The following CEP112 variants were observed in gnomAD, a reference collection of about 807,000 sequenced individuals.
The protein encoded by CEP112 is centrosomal protein of 112 kDa.
CEP112 carries 127 observed loss-of-function variants against 153.0 expected under a neutral mutation model. That is an observed-to-expected ratio of 0.83 (90% CI 0.72 to 0.96). The LOEUF is 0.96. Ranked by LOEUF, CEP112 falls within the 40% of genes least tolerant of loss-of-function variation. The pLI is 0.00. For synonymous variants in CEP112, 358 were observed against 374.4 expected (o/e 0.96, Z 0.51); for missense variants, 1,089 against 1,101.2 (o/e 0.99, Z 0.16).
chr17:65,977,970 G>C (rs1375347042), intron 17 of CEP112, among the ~76,000 whole-genome samples: 3 of 152,182 alleles, frequency 2.0e-5, no homozygotes, highest in African/African-American at 4.8e-5. Flanking sequence ...AGCTACTCAG[G>C]GGGCTGAGGC....
intron 19 of CEP112, among the ~76,000 whole-genome samples, chr17:65,923,315 T>C (rs913338128): frequency 2.0e-5 from 3 of 152,230 alleles, no homozygotes; most frequent in Non-Finnish European, 1.5e-5. Flanking sequence ...ATTTTTTACA[T>C]TGCATATAAA....
chr17:66,149,854 G>A (rs1464760006), intron 4 of CEP112, among the ~76,000 whole-genome samples: 1 of 136,420 alleles, frequency 7.3e-6, no homozygotes, highest in Admixed American at 7.3e-5. Flanking sequence ...AGTTCCTTAA[G>A]GTGTAAATTT....
chr17:65,663,978 G>A (rs888696725), intron 24 of CEP112, among the ~76,000 whole-genome samples: 6 of 152,112 alleles, frequency 3.9e-5, no homozygotes, highest in Non-Finnish European at 5.9e-5. Flanking sequence ...CCCGGGAGGC[G>A]GAGCTTGCAG....
intron 4 of CEP112, among the ~76,000 whole-genome samples, chr17:66,144,485 G>C (rs2070838493): frequency 6.6e-6 from 1 of 152,162 alleles, no homozygotes; most frequent in Non-Finnish European, 1.5e-5. Flanking sequence ...CTGAGGTCAA[G>C]AGTTCAGGAC....
intron 17 of CEP112, among the ~76,000 whole-genome samples, chr17:65,984,855 C>T (rs1435207437): frequency 6.6e-6 from 1 of 151,924 alleles, no homozygotes; most frequent in Non-Finnish European, 1.5e-5. Context: ...TAGAGTAAGA[C>T]AAGAGTAGGA....
chr17:65,935,077 G>C (rs1460560083), intron 18 of CEP112, among the ~76,000 whole-genome samples: 2 of 152,178 alleles, frequency 1.3e-5, no homozygotes, highest in Non-Finnish European at 2.9e-5. Context: ...TTCATACGTG[G>C]GGATTATGGG....
chr17:66,052,098 T>A (rs1200542321), intron 12 of CEP112, among the ~76,000 whole-genome samples: 1 of 152,190 alleles, frequency 6.6e-6, no homozygotes, highest in Non-Finnish European at 1.5e-5. Flanking sequence ...AAGAACAGAA[T>A]GAATGTACAG....
At chr17:66,190,534 AG>A (rs1029118443) in intron 1 of CEP112, among the ~76,000 whole-genome samples, 18 of 151,876 alleles carry the variant, frequency 1.2e-4, no homozygotes, top group African/African-American at 4.1e-4. Context: ...AAGGTAACCC[AG>A]GTGACGGACG....
At chr17:65,798,322 T>C (rs1029162559) in intron 21 of CEP112, among the ~76,000 whole-genome samples, 3 of 152,204 alleles carry the variant, frequency 2.0e-5, no homozygotes, top group African/African-American at 4.8e-5. Context: ...GAGTGAAATA[T>C]TCTTTATCTG....
intron 11 of CEP112, among the ~76,000 whole-genome samples, chr17:66,057,772 C>G (rs1377856966): frequency 1.3e-5 from 2 of 151,538 alleles, no homozygotes; most frequent in Non-Finnish European, 2.9e-5. Flanking sequence ...CACACACACA[C>G]ACACACACAC....
At chr17:66,003,250 C>A (rs1355875783) in intron 17 of CEP112, among the ~76,000 whole-genome samples, 40 of 152,114 alleles carry the variant, frequency 2.6e-4, no homozygotes, top group Admixed American at 2.6e-3. Context: ...TAACTCCAAG[C>A]AAAATTCAGT....
intron 21 of CEP112, among the ~76,000 whole-genome samples, chr17:65,777,775 A>AT (rs1486488511): frequency 1.3e-5 from 2 of 151,898 alleles, no homozygotes; most frequent in African/African-American, 2.4e-5. Context: ...TATATCCTAT[A>AT]TTTTTTTCTG....
At chr17:65,938,957 G>C (rs2061431421) in intron 18 of CEP112, among the ~76,000 whole-genome samples, 1 of 151,956 alleles carries the variant, frequency 6.6e-6, no homozygotes, top group African/African-American at 2.4e-5. Context: ...GATTACAGGT[G>C]CTCGCCACCA....
At chr17:65,937,581 C>T (rs1286923479) in intron 18 of CEP112, among the ~76,000 whole-genome samples, 2 of 106,730 alleles carry the variant, frequency 1.9e-5, no homozygotes, top group East Asian at 6.8e-4. Flanking sequence ...GGGGTCAGCC[C>T]CCCACCCGGC....
At chr17:65,855,545 T>C (rs897347526) in intron 20 of CEP112, among the ~76,000 whole-genome samples, 1 of 152,128 alleles carries the variant, frequency 6.6e-6, no homozygotes, top group African/African-American at 2.4e-5. Context: ...GGCTCTGTCT[T>C]GGGGTTCATA....
intron 4 of CEP112, among the ~76,000 whole-genome samples, chr17:66,137,692 A>G (rs2070498535): frequency 6.6e-6 from 1 of 152,210 alleles, no homozygotes; most frequent in Admixed American, 6.5e-5. Context: ...AAAAACTGCC[A>G]GTCAAGGATA....
intron 5 of CEP112, 83 bp from the exon 6 acceptor site, chr17:66,129,906 G>A (rs1447261133): frequency 3.7e-6 from 3 of 808,514 alleles, no homozygotes; most frequent in Non-Finnish European, 5.9e-6. Flanking sequence ...GATAAAAGAG[G>A]AAAAGATAGA....
At chr17:65,727,008 CA>C (rs2050219626) in intron 23 of CEP112, among the ~76,000 whole-genome samples, 2 of 152,126 alleles carry the variant, frequency 1.3e-5, no homozygotes, top group South Asian at 2.1e-4. Flanking sequence ...AGATTCCTGT[CA>C]GGGGGAACTG....
In CEP112 at chr17:65,842,474, CTG is replaced by C. The variant is rs768775678; in HGVS notation, c.2394+9328_2394+9329del. Among the ~76,000 whole-genome samples the C allele has an allele frequency of 3.5e-4, 53 of 152,100 alleles. 1 individual carries two copies. Among genetic ancestry groups the C allele is most frequent in the Non-Finnish European group, 4.4e-4 (30 of 67,970 alleles). On this transcript the variant is annotated intron_variant, in intron 21 of 26. Transcript: ENST00000535342. ...AAAGAGGAAAAGATTATTCGGGAAA[CTG>C]TGAAAGCCATTGAGAAGGGAGCAGT...
Sources: gnomAD v4.1 joint callset for allele counts (sites outside exome capture counted in the v4.1 genomes callset) on GRCh38, gnomAD v4.1.1 for gene constraint, MANE v1.5 for transcripts, NCBI Gene and HGNC (gene_info 2026-07-23, HGNC 2026-07-21) for gene names.